MED27: variants seen among roughly 807,000 people sequenced by gnomAD.
The protein encoded by MED27 is mediator of RNA polymerase II transcription subunit 27.
A neutral mutation model predicts 38.2 loss-of-function variants in MED27; 30 were observed. The observed-to-expected ratio is 0.79, with a 90% CI of 0.59 to 1.07. The LOEUF (loss-of-function observed/expected upper bound fraction) is 1.07, where lower values mean the gene tolerates loss of function less well. MED27 is among the 50% of genes least tolerant of loss of function. The probability of loss-of-function intolerance (pLI) is 0.00; values close to 1 mark genes in which losing one functional copy is unlikely to be tolerated. For synonymous variants in MED27, 122 were observed against 153.5 expected, an observed-to-expected ratio of 0.79 and a Z score of 1.52; for missense variants, 289 against 397.5, an observed-to-expected ratio of 0.73 and a Z score of 2.32.
chr9:132,050,497 G>C lies in MED27; in HGVS notation c.348+26945C>G, dbSNP rs568930589. On this transcript the variant is annotated intron_variant, in intron 2 of 7. Transcript: ENST00000292035. ...CTGAAGGTGTCCAATGAAGACAGTCGCTCTGTAAAAGACAGGGTCCAGGCC... is the reference window on the plus strand; with the variant it reads ...CTGAAGGTGTCCAATGAAGACAGTCCCTCTGTAAAAGACAGGGTCCAGGCC... Among the ~76,000 whole-genome samples, 30 of 152,312 alleles carry C rather than the reference G, an allele frequency of 2.0e-4. 1 individual carries two copies. Among genetic ancestry groups the C allele is most frequent in the South Asian group, 1.9e-3 (9 of 4,826 alleles).
intron 4 of MED27, among the ~76,000 whole-genome samples, chr9:131,904,750 A>G (rs536151743): frequency 6.6e-6 from 1 of 152,286 alleles, no homozygotes; most frequent in Non-Finnish European, 1.5e-5. Context: ...GTTGGGCAGC[A>G]CTTCCAATTT....
Position 131,862,155 on chromosome 9 carries a change from C to G in MED27, c.801+908G>C, listed in dbSNP as rs1838662333. Among the ~76,000 whole-genome samples, 1 of 152,220 alleles carries G rather than the reference C, an allele frequency of 6.6e-6. No individual in the cohort carries two copies. Among genetic ancestry groups the G allele is most frequent in the African/African-American group, 2.4e-5 (1 of 41,462 alleles). Reference sequence around the variant, plus strand: ...GCCAATCAACGCACCAGGGATGTGTCTTCTGAGGAATGAACTCCAGGCTCT... The same window carrying G: ...GCCAATCAACGCACCAGGGATGTGTGTTCTGAGGAATGAACTCCAGGCTCT... On this transcript the variant is annotated intron_variant, in intron 7 of 7. Transcript: ENST00000292035. This position sits in a 1 kb window ranked among gnomAD's most constrained non-coding sequence, Gnocchi z 4.6.
chr9:131,892,260 T>C (rs1445641779), intron 5 of MED27, among the ~76,000 whole-genome samples: 1 of 152,176 alleles, frequency 6.6e-6, no homozygotes, highest in Non-Finnish European at 1.5e-5. Flanking sequence ...ACCATACCTC[T>C]GAGACTCTAT....
intron 3 of MED27, among the ~76,000 whole-genome samples, chr9:131,989,225 T>G (rs1831919506): frequency 6.6e-6 from 1 of 152,252 alleles, no homozygotes; most frequent in Non-Finnish European, 1.5e-5. Context: ...TGGTGAATGC[T>G]AGAAAAGAAC....
intron 6 of MED27, chr9:131,869,209 A>T (rs534238963): frequency 1.0e-6 from 1 of 985,384 alleles, no homozygotes; most frequent in East Asian, 1.1e-4. Flanking sequence ...GTCCTCCCCA[A>T]GTCCTCCACT....
chr9:132,010,357 G>A (rs1408292912), intron 3 of MED27, among the ~76,000 whole-genome samples: 1 of 152,208 alleles, frequency 6.6e-6, no homozygotes, highest in African/African-American at 2.4e-5. Context: ...AGTTAGAATG[G>A]CAATCATTAA....
rs919966216 is a variant in MED27 at position 132,003,862 on chromosome 9, T to C, written c.479+10475A>G. ...TTGACATGCTTCAAATGAAACCCAT[T>C]AATTTTCTGTTTAAATGCAGTAGTA... On this transcript the variant is annotated intron_variant, in intron 3 of 7. Transcript: ENST00000292035. The surrounding 1 kb of genome is among the most constrained non-coding windows in gnomAD (Gnocchi z 4.2). 3.9e-5 allele frequency among the ~76,000 whole-genome samples: 6 copies of C among 152,164 alleles called. No individual in the cohort carries two copies. The highest frequency in any genetic ancestry group is 1.4e-4 in the African/African-American group (6 of 41,418).
intron 2 of MED27, among the ~76,000 whole-genome samples, chr9:132,048,024 G>A (rs993730590): frequency 3.9e-5 from 6 of 152,048 alleles, no homozygotes; most frequent in South Asian, 2.1e-4. Flanking sequence ...AGGTCTGATC[G>A]CAAAAAATTC....
chr9:131,896,653 T>G (rs552552895), intron 4 of MED27, among the ~76,000 whole-genome samples: 14 of 152,154 alleles, frequency 9.2e-5, no homozygotes, highest in Non-Finnish European at 1.9e-4. Context: ...GGTACTTCCT[T>G]TCAATCATTT....
At chr9:132,058,226 C>A (rs1179463232) in intron 2 of MED27, among the ~76,000 whole-genome samples, 1 of 152,210 alleles carries the variant, frequency 6.6e-6, no homozygotes, top group Admixed American at 6.5e-5. Context: ...TCTCCCTCTT[C>A]CTACCTCACA....
chr9:132,038,157 G>A (rs1477242498), intron 2 of MED27, among the ~76,000 whole-genome samples: 1 of 151,486 alleles, frequency 6.6e-6, no homozygotes, highest in African/African-American at 2.4e-5. Context: ...AATATTTATG[G>A]GCCAATCGCT....
At chr9:132,035,077 T>G (rs576014870) in intron 2 of MED27, among the ~76,000 whole-genome samples, 70 of 152,134 alleles carry the variant, frequency 4.6e-4, no homozygotes, top group South Asian at 1.0e-3. Flanking sequence ...GTGTTCACTG[T>G]GGGGCAGGCA....
intron 4 of MED27, 102 bp from the exon 5 acceptor site, chr9:131,894,094 AT>A: frequency 1.3e-6 from 1 of 788,114 alleles, no homozygotes; most frequent in South Asian, 1.5e-5. Flanking sequence ...GTGAGACTGG[AT>A]TCATGGTGCT....
intron 6 of MED27, among the ~76,000 whole-genome samples, chr9:131,871,008 T>C (rs1384685971): frequency 6.6e-6 from 1 of 152,146 alleles, no homozygotes; most frequent in Admixed American, 6.5e-5. Flanking sequence ...ATCGAGGGAA[T>C]GAAAAAGTGT....
At chr9:131,940,801 A>T (rs1037402859) in intron 3 of MED27, among the ~76,000 whole-genome samples, 5 of 152,218 alleles carry the variant, frequency 3.3e-5, no homozygotes, top group Non-Finnish European at 5.9e-5. Flanking sequence ...TACCCCAAAC[A>T]TATCAGGCAA....
chr9:131,988,071 G>C (rs1240348883), intron 3 of MED27, among the ~76,000 whole-genome samples: 1 of 152,190 alleles, frequency 6.6e-6, no homozygotes, highest in Non-Finnish European at 1.5e-5. Context: ...AATCATTTCC[G>C]TAAATACAAC....
intron 2 of MED27, among the ~76,000 whole-genome samples, chr9:132,064,920 G>C (rs1252889456): frequency 1.3e-5 from 2 of 152,172 alleles, no homozygotes; most frequent in Non-Finnish European, 2.9e-5. Context: ...AGTAGGGCCA[G>C]AAATTCTTAC....
At chr9:131,969,816 T>C (rs1831436437) in intron 3 of MED27, among the ~76,000 whole-genome samples, 1 of 152,192 alleles carries the variant, frequency 6.6e-6, no homozygotes, top group South Asian at 2.1e-4. Flanking sequence ...GGAATCTCTC[T>C]AAATCTCCTC....
At chr9:131,909,726 G>A (rs1042246192) in intron 4 of MED27, among the ~76,000 whole-genome samples, 1 of 152,166 alleles carries the variant, frequency 6.6e-6, no homozygotes, top group South Asian at 2.1e-4. Context: ...GCTGAAAGTG[G>A]AACAGTTGCA....
Sources: allele counts gnomAD v4.1 joint callset (sites outside exome capture counted in the v4.1 genomes callset), GRCh38; gene constraint gnomAD v4.1.1; non-coding constraint Gnocchi (gnomAD v3.1); transcripts MANE v1.5; gene names NCBI Gene and HGNC (gene_info 2026-07-23, HGNC 2026-07-21).